The following PDCD10 variants were observed in gnomAD, a reference collection of about 807,000 sequenced individuals.
The protein encoded by PDCD10 is programmed cell death protein 10.
Under a neutral mutation model 29.2 loss-of-function variants are expected in PDCD10, and 4 were observed. The observed-to-expected ratio is 0.14, with a 90% CI of 0.07 to 0.31. The LOEUF is 0.31. PDCD10 is among the 10% of genes least tolerant of loss of function. PDCD10 has a pLI of 1.00. For synonymous variants in PDCD10, 70 were observed against 82.2 expected (o/e 0.85, Z 0.80); for missense variants, 183 against 257.9 (o/e 0.71, Z 1.99).
chr3:167,685,269 C>T (rs574364526), intron 8 of PDCD10, among the ~76,000 whole-genome samples: 27 of 151,626 alleles, frequency 1.8e-4, no homozygotes, highest in African/African-American at 6.0e-4. Flanking sequence ...AAAAATTAGC[C>T]GGGCATGGTG....
rs773345013 is a variant in PDCD10, at chr3:167,734,368, G to A, written c.-253-18C>T. On this transcript the variant is annotated intron_variant, in intron 1 of 8. Coordinates refer to ENST00000392750, the MANE Select transcript of PDCD10 (RefSeq NM_007217.4). ...CCTCTTCCCTCAAAGGGCATAACCC[G>A]AGTCACCCCCAAGAGCCGACTCCCA... is the stretch of plus-strand genomic sequence containing the variant. The A allele has an allele frequency of 4.6e-5, 7 of 152,402 alleles. No individual in the cohort carries two copies. Among genetic ancestry groups the A allele is most frequent in the Middle Eastern group, 3.4e-3 (1 of 294 alleles). The allele number at this position is 152,402 out of a possible 1,614,324, so 9.4% of individuals were successfully genotyped here. A position where few individuals can be genotyped will look rare whatever the true frequency, so the allele number is the denominator to read the frequency against.
intron 8 of PDCD10, among the ~76,000 whole-genome samples, chr3:167,686,491 C>T (rs1374041104): frequency 6.6e-6 from 1 of 152,134 alleles, no homozygotes; most frequent in Non-Finnish European, 1.5e-5. Flanking sequence ...GCAGGTGGGG[C>T]CTAGGCAGTG....
intron 2 of PDCD10, among the ~76,000 whole-genome samples, chr3:167,724,708 T>A (rs551681309): frequency 6.6e-6 from 1 of 152,292 alleles, no homozygotes; most frequent in African/African-American, 2.4e-5. Flanking sequence ...ATTAATTCTA[T>A]TAACAAAGCC....
Position 167,704,967 on chromosome 3 carries a change from T to A in PDCD10, c.97-72A>T, listed in dbSNP as rs570825429. The A allele has an allele frequency of 5.9e-5, 52 of 875,980 alleles. No homozygotes were observed. In the South Asian group the frequency reaches 7.2e-4, roughly 12 times the overall value. 54.3% of individuals were successfully genotyped at this position (875,980 alleles called of 1,614,324 possible). A position where few individuals can be genotyped will look rare whatever the true frequency, so the allele number is the denominator to read the frequency against. The stretch of plus-strand genomic sequence containing the variant: ...AAAGCACATTTCTGAGATTCCATTC[T>A]GTAGCAATCACATGAACACATTAAA... On this transcript the variant is annotated intron_variant, in intron 3 of 8. Coordinates refer to ENST00000392750, the MANE Select transcript of PDCD10 (RefSeq NM_007217.4).
At chr3:167,706,055 G>A (rs1721934682) in intron 3 of PDCD10, among the ~76,000 whole-genome samples, 1 of 152,150 alleles carries the variant, frequency 6.6e-6, no homozygotes, top group Non-Finnish European at 1.5e-5. Context: ...GTGCCTTCAA[G>A]TATCAGCGTT....
At chr3:167,685,810 C>T (rs921481738) in intron 8 of PDCD10, among the ~76,000 whole-genome samples, 3 of 152,074 alleles carry the variant, frequency 2.0e-5, no homozygotes, top group Non-Finnish European at 2.9e-5. Context: ...ATTTTCAAAA[C>T]ACAAATGCCA....
intron 8 of PDCD10, among the ~76,000 whole-genome samples, chr3:167,686,605 T>G: frequency 6.6e-6 from 1 of 152,262 alleles, no homozygotes; most frequent in Non-Finnish European, 1.5e-5. Flanking sequence ...CTGTAATGTA[T>G]CACCTGAAAA....
rs1723923680 is a variant in PDCD10, at chr3:167,724,786, TA to T, written c.-116-4514del. Among the ~76,000 whole-genome samples, 5 of 152,342 alleles carry T rather than the reference TA, an allele frequency of 3.3e-5. No individual in the cohort carries two copies. In the South Asian group the frequency reaches 1.0e-3, roughly 32 times the overall value. ...ATAAGACTTCATTATTGTTATCAGC[TA>T]TACTTTCCAAAGTAATCTAATAGGA... On this transcript the variant is annotated intron_variant, in intron 2 of 8. Coordinates refer to ENST00000392750, the MANE Select transcript of PDCD10 (RefSeq NM_007217.4).
chr3:167,726,231 C>A (rs946889115), intron 2 of PDCD10, among the ~76,000 whole-genome samples: 2 of 145,954 alleles, frequency 1.4e-5, no homozygotes, highest in African/African-American at 5.1e-5. Flanking sequence ...CTCTCGAGTA[C>A]TGGGATTATA....
intron 3 of PDCD10, among the ~76,000 whole-genome samples, chr3:167,714,708 T>A (rs1252598033): frequency 6.6e-6 from 1 of 151,808 alleles, no homozygotes; most frequent in African/African-American, 2.4e-5. Flanking sequence ...ACAAATAAAA[T>A]TTAATACCAA....
chr3:167,696,425 G>T (rs185528678), intron 5 of PDCD10, among the ~76,000 whole-genome samples: 160 of 152,206 alleles, frequency 1.1e-3, no homozygotes, highest in Middle Eastern at 6.8e-3. Flanking sequence ...TAAAATCATG[G>T]AATCAGTTAA....
intron 2 of PDCD10, among the ~76,000 whole-genome samples, chr3:167,722,649 T>A (rs987464083): frequency 6.6e-6 from 1 of 152,184 alleles, no homozygotes; most frequent in Non-Finnish European, 1.5e-5. Flanking sequence ...AATCTCGGTA[T>A]AAAGGAGGTG....
chr3:167,700,067 C>A (rs1721228338), intron 4 of PDCD10, among the ~76,000 whole-genome samples: 1 of 151,996 alleles, frequency 6.6e-6, no homozygotes. Context: ...GTGTTATTTG[C>A]AGTTAAAAGA....
At chr3:167,706,819 A>C (rs1267402988) in intron 3 of PDCD10, among the ~76,000 whole-genome samples, 1 of 152,214 alleles carries the variant, frequency 6.6e-6, no homozygotes, top group African/African-American at 2.4e-5. Flanking sequence ...TTAATCTCTT[A>C]TCCATAAATT....
intron 4 of PDCD10, among the ~76,000 whole-genome samples, chr3:167,700,613 G>A (rs1272427329): frequency 6.6e-6 from 1 of 152,128 alleles, no homozygotes; most frequent in Non-Finnish European, 1.5e-5. Flanking sequence ...TGTTGGTGCA[G>A]GATATCTATA....
chr3:167,726,681 C>A (rs1226770475), intron 2 of PDCD10, among the ~76,000 whole-genome samples: 1 of 152,132 alleles, frequency 6.6e-6, no homozygotes, highest in Non-Finnish European at 1.5e-5. Flanking sequence ...CCATTCTATT[C>A]ATATTGTTAT....
chr3:167,690,329 AAT>A (rs1559947396), intron 6 of PDCD10, among the ~76,000 whole-genome samples: 1 of 152,204 alleles, frequency 6.6e-6, no homozygotes, highest in East Asian at 1.9e-4. Flanking sequence ...CAAATGCACT[AAT>A]GAAAGGGAAT....
At chr3:167,694,436 C>A in intron 6 of PDCD10, 1 of 158,372 alleles carries the variant, frequency 6.3e-6, no homozygotes, top group South Asian at 1.7e-4. Flanking sequence ...AATCTTTATT[C>A]TTAGCTACTT....
chr3:167,692,103 T>G (rs527513482), intron 6 of PDCD10, among the ~76,000 whole-genome samples: 1 of 152,296 alleles, frequency 6.6e-6, no homozygotes, highest in East Asian at 1.9e-4. Context: ...CATCAACAAG[T>G]ACACGATTAT....
Sources: allele counts gnomAD v4.1 joint callset (sites outside exome capture counted in the v4.1 genomes callset), GRCh38; gene constraint gnomAD v4.1.1; transcripts MANE v1.5; gene names NCBI Gene and HGNC (gene_info 2026-07-23, HGNC 2026-07-21).